Variants in DEPTOR observed in about 807,000 individuals in gnomAD.
DEPTOR encodes DEP domain-containing mTOR-interacting protein.
A neutral mutation model predicts 41.6 loss-of-function variants in DEPTOR; 41 were observed. The ratio of observed to expected loss-of-function variants is 0.98; its 90% CI spans 0.77 to 1.28. The LOEUF (loss-of-function observed/expected upper bound fraction) is 1.28, where lower values mean the gene tolerates loss of function less well. Among genes scored for constraint, DEPTOR ranks in the 50% most tolerant of loss-of-function variants. DEPTOR has a pLI of 0.00. For missense variants in DEPTOR, 514 were observed against 527.9 expected, an observed-to-expected ratio of 0.97 and a Z score of 0.26; for synonymous variants, 195 against 192.3, an observed-to-expected ratio of 1.01 and a Z score of -0.12.
chr8:120,007,369 C>T (rs58821811), intron 7 of DEPTOR, among the ~76,000 whole-genome samples: 25,251 of 151,890 alleles, frequency 0.17, 3,580 homozygotes, highest in African/African-American at 0.38. Context: ...GTGGGATAAA[C>T]TTTTCTACCG....
intron 3 of DEPTOR, among the ~76,000 whole-genome samples, chr8:119,955,421 A>C (rs1828405666): frequency 6.6e-6 from 1 of 151,826 alleles, no homozygotes; most frequent in Non-Finnish European, 1.5e-5. Context: ...TTATAATTTT[A>C]GCTCTTAATG....
intron 3 of DEPTOR, among the ~76,000 whole-genome samples, chr8:119,960,025 C>T (rs1007430630): frequency 2.6e-5 from 4 of 151,838 alleles, no homozygotes. Flanking sequence ...GTCAGAAGTT[C>T]GAGACCAGCC....
chr8:120,030,377 A>C (rs1253020743), intron 8 of DEPTOR, among the ~76,000 whole-genome samples: 2 of 151,946 alleles, frequency 1.3e-5, no homozygotes, highest in Admixed American at 6.6e-5. Flanking sequence ...GTCTGATACT[A>C]TAATGGTGGG....
At chr8:119,966,979 C>A (rs1168460005) in intron 4 of DEPTOR, among the ~76,000 whole-genome samples, 1 of 152,166 alleles carries the variant, frequency 6.6e-6, no homozygotes, top group Admixed American at 6.6e-5. Context: ...CCCAACAAGG[C>A]CTGTCTGTAT....
chr8:119,988,170 G>A (rs550516758), intron 4 of DEPTOR, among the ~76,000 whole-genome samples: 3 of 152,284 alleles, frequency 2.0e-5, no homozygotes, highest in Admixed American at 6.5e-5. Flanking sequence ...CCTGGTCTGC[G>A]GGTTGTGAAG....
At chr8:119,990,682 A>T (rs921346864) in intron 4 of DEPTOR, among the ~76,000 whole-genome samples, 4 of 152,218 alleles carry the variant, frequency 2.6e-5, no homozygotes, top group African/African-American at 4.8e-5. Flanking sequence ...TAAGTGGGTT[A>T]TAACTTTGTG....
intron 7 of DEPTOR, among the ~76,000 whole-genome samples, chr8:120,007,797 C>T (rs1001734576): frequency 2.6e-5 from 4 of 152,226 alleles, no homozygotes; most frequent in East Asian, 3.9e-4. Flanking sequence ...ACTCCACCTT[C>T]GGAAGTGAAA....
intron 3 of DEPTOR, among the ~76,000 whole-genome samples, chr8:119,951,782 T>C (rs1388723709): frequency 6.6e-6 from 1 of 152,178 alleles, no homozygotes; most frequent in Admixed American, 6.6e-5. Context: ...ATTTAAGACA[T>C]GGTGCCTGTT....
intron 8 of DEPTOR, among the ~76,000 whole-genome samples, chr8:120,047,930 C>A (rs1813177111): frequency 6.6e-6 from 1 of 151,876 alleles, no homozygotes. Flanking sequence ...CCTGTAATCC[C>A]AGCTACTCGG....
At chr8:119,926,064 T>G (rs550239638) in intron 1 of DEPTOR, among the ~76,000 whole-genome samples, 1 of 152,336 alleles carries the variant, frequency 6.6e-6, no homozygotes, top group African/African-American at 2.4e-5. Flanking sequence ...TAGGGTTTCT[T>G]TTTCTTTGTC....
intron 1 of DEPTOR, among the ~76,000 whole-genome samples, chr8:119,918,169 A>G (rs913610858): frequency 2.0e-5 from 3 of 151,504 alleles, no homozygotes; most frequent in African/African-American, 2.4e-5. Flanking sequence ...TTCTTTCTCT[A>G]TACTTTGTCT....
chr8:120,030,997 T>C (rs1011345643), intron 8 of DEPTOR, among the ~76,000 whole-genome samples: 3 of 152,114 alleles, frequency 2.0e-5, no homozygotes, highest in African/African-American at 7.2e-5. Flanking sequence ...CTCTCAATTT[T>C]GCTATGAACC....
At chr8:120,037,398 A>G (rs1296602310) in intron 8 of DEPTOR, among the ~76,000 whole-genome samples, 1 of 152,218 alleles carries the variant, frequency 6.6e-6, no homozygotes, top group Non-Finnish European at 1.5e-5. Flanking sequence ...CAAATTATTT[A>G]TACACATCTC....
At chr8:119,921,027 A>T (rs1424427969) in intron 1 of DEPTOR, among the ~76,000 whole-genome samples, 1 of 149,808 alleles carries the variant, frequency 6.7e-6, no homozygotes, top group Non-Finnish European at 1.5e-5. Context: ...CCTAGGCTGG[A>T]GTGCAGTGGT....
chr8:119,915,979 A>T lies in DEPTOR; in HGVS notation c.123-12421A>T, dbSNP rs567157412. Among the ~76,000 whole-genome samples, 103 of 147,862 alleles carry T rather than the reference A, an allele frequency of 7.0e-4. 3 individuals are homozygous for T. In the South Asian group the frequency reaches 0.012, roughly 18 times the overall value. ...AAAAAAAAAAAAAAGCTGAAATGCT[A>T]CTTAGTGGCCTCTTGATGGCACTTC... is the stretch of plus-strand genomic sequence containing the variant. On this transcript the variant is annotated intron_variant, in intron 1 of 8. Coordinates refer to ENST00000286234, the MANE Select transcript of DEPTOR (RefSeq NM_022783.4).
intron 8 of DEPTOR, among the ~76,000 whole-genome samples, chr8:120,020,034 A>C (rs756631026): frequency 6.6e-6 from 1 of 152,004 alleles, no homozygotes; most frequent in Non-Finnish European, 1.5e-5. Flanking sequence ...CGAAATCTCC[A>C]GAAGCATCTC....
intron 8 of DEPTOR, among the ~76,000 whole-genome samples, chr8:120,021,821 A>C (rs1344326241): frequency 6.6e-6 from 1 of 152,192 alleles, no homozygotes; most frequent in East Asian, 1.9e-4. Context: ...CTCAGTGAAC[A>C]CTGTCTACTA....
chr8:119,962,161 G>A (rs1015864643), intron 3 of DEPTOR, among the ~76,000 whole-genome samples: 1 of 151,954 alleles, frequency 6.6e-6, no homozygotes, highest in Non-Finnish European at 1.5e-5. Context: ...GGAGGCTGAG[G>A]CAGGAGAATC....
chr8:119,907,849 T>C (rs1215169476), intron 1 of DEPTOR, among the ~76,000 whole-genome samples: 7 of 152,180 alleles, frequency 4.6e-5, no homozygotes, highest in Non-Finnish European at 1.0e-4. Context: ...TACTGTGATA[T>C]AATATGAAAT....
Sources: gnomAD v4.1 joint callset for allele counts (sites outside exome capture counted in the v4.1 genomes callset) on GRCh38, gnomAD v4.1.1 for gene constraint, MANE v1.5 for transcripts, NCBI Gene and HGNC (gene_info 2026-07-23, HGNC 2026-07-21) for gene names.